The following TPTE variants were observed in gnomAD, a reference collection of about 807,000 sequenced individuals.
TPTE encodes the protein transmembrane phosphatase with tensin homology.
Under a neutral mutation model 84.1 loss-of-function variants are expected in TPTE, and 59 were observed. The observed-to-expected ratio is 0.70, with a 90% CI of 0.57 to 0.87. The LOEUF (loss-of-function observed/expected upper bound fraction) is 0.87. TPTE is among the 40% of genes least tolerant of loss of function. The probability of loss-of-function intolerance (pLI) is 0.00; values close to 1 mark genes in which losing one functional copy is unlikely to be tolerated. For missense variants in TPTE, 382 were observed against 659.6 expected, an observed-to-expected ratio of 0.58 and a Z score of 4.61; for synonymous variants, 130 against 223.5, an observed-to-expected ratio of 0.58 and a Z score of 3.73.
intron 1 of TPTE, among the ~76,000 whole-genome samples, chr21:10,524,121 A>G (rs1449315801): frequency 6.6e-6 from 1 of 152,310 alleles, no homozygotes; most frequent in Non-Finnish European, 1.5e-5. Context: ...TTACTACAGA[A>G]CTGACTTATT....
intron 1 of TPTE, among the ~76,000 whole-genome samples, chr21:10,522,307 G>A (rs2073995258): frequency 6.6e-6 from 1 of 152,296 alleles, no homozygotes; most frequent in Non-Finnish European, 1.5e-5. Flanking sequence ...CGATTTAGAA[G>A]GGCTTGGGGT....
chr21:10,540,815 A>C, intron 4 of TPTE: 1 of 548,954 alleles, frequency 1.8e-6, no homozygotes, highest in Non-Finnish European at 3.6e-6. Context: ...AGACTCAGGA[A>C]CTAAATTTGA....
intron 7 of TPTE, among the ~76,000 whole-genome samples, chr21:10,552,408 G>C (rs7276537): frequency 0.09 from 13,245 of 147,194 alleles, 5 homozygotes; most frequent in African/African-American, 0.22. Context: ...CATATATATA[G>C]AAAGAGACAG....
At chr21:10,598,611 A>G (rs1347045913) in intron 21 of TPTE, among the ~76,000 whole-genome samples, 1 of 152,310 alleles carries the variant, frequency 6.6e-6, no homozygotes, top group Non-Finnish European at 1.5e-5. Context: ...ATTCTAAGTC[A>G]GAGGTTCTGT....
intron 21 of TPTE, among the ~76,000 whole-genome samples, chr21:10,599,731 G>C (rs2075653308): frequency 6.6e-6 from 1 of 152,310 alleles, no homozygotes; most frequent in Admixed American, 6.5e-5. Flanking sequence ...TCCATGAGTA[G>C]CTTGACCAGC....
In TPTE at chr21:10,521,692, G is replaced by C. The variant is rs2073977315; in HGVS notation, c.-213G>C. On this transcript the variant is annotated splice_region_variant and 5_prime_UTR_variant, in exon 1 of 24. Coordinates refer to ENST00000618007, the MANE Select transcript of TPTE (RefSeq NM_199261.4). Reference sequence around the variant, plus strand: ...GGCGCCTACACTTAGCTCCGCGCCCGAGGTGAGCCCAGGCCCTAAGTCCTC... The same window carrying C: ...GGCGCCTACACTTAGCTCCGCGCCCCAGGTGAGCCCAGGCCCTAAGTCCTC... 6.5e-6 allele frequency: 1 copy of C among 153,838 alleles called. No homozygotes were observed. Among genetic ancestry groups the C allele is most frequent in the Non-Finnish European group, 1.4e-5 (1 of 69,366 alleles). The allele number at this position is 153,838 out of a possible 1,614,324, so 9.5% of individuals were successfully genotyped here. A position where few individuals can be genotyped will look rare whatever the true frequency, so the allele number is the denominator to read the frequency against.
intron 10 of TPTE, among the ~76,000 whole-genome samples, chr21:10,565,058 G>T (rs1171648830): frequency 2.6e-5 from 4 of 152,308 alleles, no homozygotes; most frequent in African/African-American, 9.6e-5. Flanking sequence ...TGGGATGGAA[G>T]AAGTAAAATT....
At chr21:10,531,559 C>A (rs1229567278) in intron 3 of TPTE, among the ~76,000 whole-genome samples, 3 of 152,300 alleles carry the variant, frequency 2.0e-5, no homozygotes, top group Admixed American at 1.3e-4. Context: ...TAAACAGACT[C>A]AGATGCATGG....
chr21:10,523,120 A>G (rs926527493), intron 1 of TPTE, among the ~76,000 whole-genome samples: 7 of 152,308 alleles, frequency 4.6e-5, no homozygotes, highest in Admixed American at 2.6e-4. Context: ...TGAACACTTG[A>G]TGTAAACTTC....
chr21:10,588,418 G>C (rs1188686423), intron 17 of TPTE, among the ~76,000 whole-genome samples: 3 of 152,310 alleles, frequency 2.0e-5, no homozygotes, highest in African/African-American at 7.2e-5. Flanking sequence ...GTGTGATCTG[G>C]CCTTTTTCTC....
At chr21:10,573,052 C>T (rs1178855900) in intron 14 of TPTE, among the ~76,000 whole-genome samples, 1 of 147,934 alleles carries the variant, frequency 6.8e-6, no homozygotes, top group Non-Finnish European at 1.5e-5. Context: ...AGTTGGCTGC[C>T]AAGATTTAAA....
intron 1 of TPTE, among the ~76,000 whole-genome samples, chr21:10,522,048 A>G (rs2073987915): frequency 4.6e-5 from 7 of 152,076 alleles, no homozygotes. Flanking sequence ...GCCGCAGGTA[A>G]AGGGGGCGCG....
intron 17 of TPTE, among the ~76,000 whole-genome samples, chr21:10,581,395 CT>C (rs1226423295): frequency 1.3e-5 from 2 of 152,288 alleles, no homozygotes; most frequent in Admixed American, 6.5e-5. Flanking sequence ...TCAAATCTGA[CT>C]TTTTTTCTTT....
chr21:10,595,360 C>G (rs1247191153), intron 19 of TPTE, among the ~76,000 whole-genome samples: 2 of 152,312 alleles, frequency 1.3e-5, no homozygotes, highest in African/African-American at 4.8e-5. Flanking sequence ...AATTCTGAAC[C>G]AGTTGTTTGA....
chr21:10,587,550 CTTTT>C (rs61197958), intron 17 of TPTE, among the ~76,000 whole-genome samples: 1 of 143,270 alleles, frequency 7.0e-6, no homozygotes, highest in African/African-American at 2.6e-5. Flanking sequence ...GAAATGATTT[CTTTT>C]TTTTTTTTTT....
chr21:10,576,709 A>T (rs1261291751), intron 14 of TPTE: 1 of 152,314 alleles, frequency 6.6e-6, no homozygotes, highest in Admixed American at 6.5e-5. Flanking sequence ...TTGCACAGAG[A>T]TATATACGTA....
intron 3 of TPTE, among the ~76,000 whole-genome samples, chr21:10,534,524 A>G (rs1600859518): frequency 1.3e-5 from 2 of 152,426 alleles, no homozygotes; most frequent in Middle Eastern, 3.4e-3. Context: ...AATTAAGCCT[A>G]CAAATTCACA....
At chr21:10,530,250 AT>A (rs1342880985) in intron 3 of TPTE, among the ~76,000 whole-genome samples, 3 of 152,310 alleles carry the variant, frequency 2.0e-5, no homozygotes, top group Non-Finnish European at 2.9e-5. Context: ...TGGTATGCTG[AT>A]TGCCATTGGC....
chr21:10,530,499 C>A (rs1272089348), intron 3 of TPTE, among the ~76,000 whole-genome samples: 22 of 152,416 alleles, frequency 1.4e-4, no homozygotes, highest in African/African-American at 3.1e-4. Context: ...TAAGATTATT[C>A]TTCTTGTGCA....
Sources: gnomAD v4.1 joint callset for allele counts (sites outside exome capture counted in the v4.1 genomes callset) on GRCh38, gnomAD v4.1.1 for gene constraint, MANE v1.5 for transcripts, NCBI Gene and HGNC (gene_info 2026-07-23, HGNC 2026-07-21) for gene names.